Variants in RAD51B observed in about 807,000 individuals in gnomAD.
RAD51B encodes the protein DNA repair protein RAD51 homolog 2.
RAD51B carries 38 observed loss-of-function variants against 42.2 expected under a neutral mutation model. The observed-to-expected ratio is 0.90, with a 90% CI of 0.70 to 1.18. The LOEUF is 1.18. Ranked by LOEUF, RAD51B falls within the 50% of genes most tolerant of loss-of-function variation. RAD51B has a pLI of 0.00. For synonymous variants in RAD51B, 154 were observed against 145.2 expected, an observed-to-expected ratio of 1.06 and a Z score of -0.43; for missense variants, 373 against 400.7, an observed-to-expected ratio of 0.93 and a Z score of 0.59.
At chr14:68,110,891 C>T (rs2077449911) in intron 7 of RAD51B, among the ~76,000 whole-genome samples, 1 of 152,030 alleles carries the variant, frequency 6.6e-6, no homozygotes, top group African/African-American at 2.4e-5. Context: ...CATTTAGAAT[C>T]ATACCTGTTT....
chr14:68,257,416 T>C (rs751332474), intron 7 of RAD51B, among the ~76,000 whole-genome samples: 5 of 152,104 alleles, frequency 3.3e-5, no homozygotes, highest in Non-Finnish European at 5.9e-5. Context: ...AAAATAAAAT[T>C]AATTGCACCA....
chr14:68,556,755 A>G (rs1243428482), intron 10 of RAD51B, among the ~76,000 whole-genome samples: 1 of 152,158 alleles, frequency 6.6e-6, no homozygotes, highest in African/African-American at 2.4e-5. Flanking sequence ...AGTGGAGGCC[A>G]TCTTCCAGGG....
At chr14:68,578,455 G>A (rs978763923) in intron 10 of RAD51B, among the ~76,000 whole-genome samples, 8 of 152,206 alleles carry the variant, frequency 5.3e-5, no homozygotes, top group East Asian at 3.9e-4. Flanking sequence ...TAATTTCCCC[G>A]CCATGGATGA....
intron 7 of RAD51B, among the ~76,000 whole-genome samples, chr14:67,899,413 A>G (rs867567607): frequency 1.3e-5 from 2 of 152,272 alleles, no homozygotes; most frequent in South Asian, 4.1e-4. Context: ...AAACATTTGC[A>G]TTAGATTATA....
intron 7 of RAD51B, among the ~76,000 whole-genome samples, chr14:68,060,909 G>T (rs2076556576): frequency 6.6e-6 from 1 of 151,882 alleles, no homozygotes; most frequent in African/African-American, 2.4e-5. Flanking sequence ...TTATTTCTGG[G>T]TTCTCTATTC....
intron 7 of RAD51B, among the ~76,000 whole-genome samples, chr14:67,931,191 G>T (rs2044719407): frequency 6.6e-6 from 1 of 152,234 alleles, no homozygotes; most frequent in South Asian, 2.1e-4. Context: ...AAAGTGCTGG[G>T]ATTACAGGCG....
intron 10 of RAD51B, chr14:68,563,739 T>C: frequency 1.0e-6 from 1 of 984,948 alleles, no homozygotes. Flanking sequence ...GAGGGAGAGG[T>C]GGTGGGGAGA....
At chr14:68,105,356 G>T (rs1273383799) in intron 7 of RAD51B, among the ~76,000 whole-genome samples, 3 of 151,772 alleles carry the variant, frequency 2.0e-5, no homozygotes, top group Non-Finnish European at 4.4e-5. Context: ...GTCATAAAAT[G>T]ATAATTTAAA....
chr14:67,849,699 A>G (rs2041739728), intron 4 of RAD51B, among the ~76,000 whole-genome samples: 1 of 152,212 alleles, frequency 6.6e-6, no homozygotes, highest in Non-Finnish European at 1.5e-5. Context: ...TGGCAATCAT[A>G]AAGTGAAGTT....
At chr14:68,038,304 A>G (rs773544260) in intron 7 of RAD51B, among the ~76,000 whole-genome samples, 4 of 152,232 alleles carry the variant, frequency 2.6e-5, no homozygotes, top group East Asian at 3.8e-4. Context: ...TTAGGATTCA[A>G]TTATAAGCAG....
chr14:67,996,635 G>A (rs11848769), intron 7 of RAD51B, among the ~76,000 whole-genome samples: 26,849 of 152,032 alleles, frequency 0.18, 2,570 homozygotes, highest in Middle Eastern at 0.36. Flanking sequence ...GAGAGCAGGA[G>A]GAAGAGCCAT....
chr14:68,234,866 G>A (rs2080215245), intron 7 of RAD51B, among the ~76,000 whole-genome samples: 1 of 152,046 alleles, frequency 6.6e-6, no homozygotes, highest in Non-Finnish European at 1.5e-5. Flanking sequence ...TGTAATTACT[G>A]TAACTGTTTG....
intron 7 of RAD51B, among the ~76,000 whole-genome samples, chr14:67,962,396 T>A (rs1207292838): frequency 6.6e-6 from 1 of 152,102 alleles, no homozygotes; most frequent in South Asian, 2.1e-4. Context: ...TCATGTCATA[T>A]CCTGATTGTT....
chr14:68,585,882 C>G lies in RAD51B; in HGVS notation c.1037-8603C>G, dbSNP rs568598975. ...GTTGGTGGGGAGGCAAGGAGAGCTG[C>G]AGAGGGGGGAGACAACTCAGCCCAC... On this transcript the variant is annotated intron_variant, in intron 10 of 10. Coordinates refer to the RAD51B transcript ENST00000487270. Among the ~76,000 whole-genome samples, 6 of 152,184 alleles carry G rather than the reference C, an allele frequency of 3.9e-5. No homozygotes were observed. The East Asian group carries it at 1.2e-3, about 29-fold the overall frequency.
chr14:67,892,904 A>G (rs1426824583), intron 7 of RAD51B, among the ~76,000 whole-genome samples: 1 of 152,212 alleles, frequency 6.6e-6, no homozygotes, highest in Non-Finnish European at 1.5e-5. Flanking sequence ...CTGGGAGAGG[A>G]CACCTGGAAT....
At chr14:68,616,514 C>T (rs529209695), downstream of RAD51B, among the ~76,000 whole-genome samples, 2 of 152,214 alleles carry the variant, frequency 1.3e-5, no homozygotes, top group East Asian at 3.9e-4. Context: ...TTAAGATTTT[C>T]TCTTTATTAC....
chr14:68,126,098 G>A (rs1175223954), intron 7 of RAD51B, among the ~76,000 whole-genome samples: 1 of 152,134 alleles, frequency 6.6e-6, no homozygotes, highest in Non-Finnish European at 1.5e-5. Context: ...TAACTTGGTT[G>A]CAATAATTAT....
intron 7 of RAD51B, among the ~76,000 whole-genome samples, chr14:68,209,760 G>T (rs2079664454): frequency 6.6e-6 from 1 of 152,078 alleles, no homozygotes; most frequent in Non-Finnish European, 1.5e-5. Flanking sequence ...TCAAAGAAAG[G>T]AATTGCACTG....
rs1260158494 is a variant in RAD51B, at chr14:68,338,984, G to A, written c.853+47004G>A. On this transcript the variant is annotated intron_variant, in intron 8 of 10. Coordinates refer to ENST00000471583, the MANE Select transcript of RAD51B (RefSeq NM_133510.4). ...GTCTTGCCTTCCCCTTGATAATGCAGTAAGGGACCCCCTTTTTACAACATG... is the reference window on the plus strand; with the variant it reads ...GTCTTGCCTTCCCCTTGATAATGCAATAAGGGACCCCCTTTTTACAACATG... 4.3e-5 allele frequency: 28 copies of A among 657,094 alleles called. 1 individual carries two copies. Among genetic ancestry groups the A allele is most frequent in the South Asian group, 2.5e-4 (17 of 68,784 alleles). The allele number at this position is 657,094 out of a possible 1,614,324, so 40.7% of individuals were successfully genotyped here. A position where few individuals can be genotyped will look rare whatever the true frequency, so the allele number is the denominator to read the frequency against.
Sources: gnomAD v4.1 joint callset for allele counts (sites outside exome capture counted in the v4.1 genomes callset) on GRCh38, gnomAD v4.1.1 for gene constraint, MANE v1.5 for transcripts, NCBI Gene and HGNC (gene_info 2026-07-23, HGNC 2026-07-21) for gene names.